SPECC1: variants seen among roughly 807,000 people sequenced by gnomAD.
SPECC1 encodes the protein cytospin-B.
Under a neutral mutation model 104.1 loss-of-function variants are expected in SPECC1, and 62 were observed. The observed-to-expected ratio is 0.60, with a 90% CI of 0.49 to 0.74. The LOEUF (loss-of-function observed/expected upper bound fraction) is 0.74. SPECC1 is among the 30% of genes least tolerant of loss of function. The pLI, the probability that SPECC1 is intolerant of heterozygous loss-of-function variation, is 0.00. For missense variants in SPECC1, 1,306 were observed against 1,310.5 expected (o/e 1.00, Z 0.05); for synonymous variants, 513 against 501.6 (o/e 1.02, Z -0.30).
chr17:20,229,001 A>G (rs993249624), intron 5 of SPECC1, among the ~76,000 whole-genome samples: 2 of 152,098 alleles, frequency 1.3e-5, no homozygotes, highest in African/African-American at 4.8e-5. Flanking sequence ...TGCTTGATAA[A>G]ACGTATTTTA....
intron 3 of SPECC1, among the ~76,000 whole-genome samples, chr17:20,201,669 T>G (rs1403873171): frequency 6.6e-6 from 1 of 152,208 alleles, no homozygotes; most frequent in African/African-American, 2.4e-5. Flanking sequence ...TCTAGAGAAC[T>G]AGCATTACTA....
chr17:20,076,223 A>G (rs2046754442), intron 1 of SPECC1, among the ~76,000 whole-genome samples: 1 of 152,252 alleles, frequency 6.6e-6, no homozygotes, highest in Non-Finnish European at 1.5e-5. Context: ...CTTTTGAGAC[A>G]GAGTCTCACT....
intron 3 of SPECC1, chr17:20,112,592 G>T: frequency 1.2e-6 from 1 of 850,528 alleles, no homozygotes; most frequent in Non-Finnish European, 2.1e-6. Flanking sequence ...TCTTTGCTGT[G>T]CAAATCTTAA....
At chr17:20,197,831 C>A (rs114804608) in intron 3 of SPECC1, among the ~76,000 whole-genome samples, 3 of 152,130 alleles carry the variant, frequency 2.0e-5, no homozygotes, top group African/African-American at 7.2e-5. Flanking sequence ...CCCCTTGACA[C>A]GGAAAAAGAA....
intron 3 of SPECC1, among the ~76,000 whole-genome samples, chr17:20,141,131 G>A (rs746419150): frequency 1.3e-5 from 2 of 152,160 alleles, no homozygotes; most frequent in African/African-American, 4.8e-5. Context: ...GAAAGGACCC[G>A]CTCATAGTAG....
intron 1 of SPECC1, among the ~76,000 whole-genome samples, chr17:20,047,006 A>G (rs2045565368): frequency 1.3e-5 from 2 of 152,180 alleles, no homozygotes; most frequent in Non-Finnish European, 2.9e-5. Context: ...TGACTATTGC[A>G]GGAAAGCCGG....
intron 1 of SPECC1, among the ~76,000 whole-genome samples, chr17:20,032,247 G>C (rs1597589645): frequency 6.6e-6 from 1 of 152,032 alleles, no homozygotes; most frequent in East Asian, 1.9e-4. Context: ...TCTGTTTGTG[G>C]TTCTTTTTGT....
intron 3 of SPECC1, among the ~76,000 whole-genome samples, chr17:20,199,370 A>G (rs1418067354): frequency 2.3e-5 from 3 of 129,492 alleles, no homozygotes; most frequent in Admixed American, 1.8e-4. Context: ...TACAGGCGTG[A>G]GCCACCGTGC....
At position 20,276,285 on chromosome 17, in the gene SPECC1, T is replaced by A. The variant is rs182358736; in HGVS notation, c.2940+15991T>A. On this transcript the variant is annotated intron_variant, in intron 12 of 14. Coordinates refer to ENST00000395527, the MANE Select transcript of SPECC1 (RefSeq NM_001243439.2). ...GTACATGACACCACACCTGGCTAAT[T>A]CTTTAAAAAATTTTTTTAGAGACAG... Among the ~76,000 whole-genome samples, 84 of 152,150 alleles carry A rather than the reference T, an allele frequency of 5.5e-4. 1 individual carries two copies. The East Asian group carries it at 0.015, about 27-fold the overall frequency.
intron 12 of SPECC1, among the ~76,000 whole-genome samples, chr17:20,286,918 C>G (rs1011878838): frequency 6.6e-6 from 1 of 152,230 alleles, no homozygotes; most frequent in African/African-American, 2.4e-5. Flanking sequence ...AACTGGCCCC[C>G]AGGGCCCAGG....
intron 1 of SPECC1, among the ~76,000 whole-genome samples, chr17:20,034,654 G>A (rs1035366052): frequency 2.1e-5 from 3 of 146,318 alleles, no homozygotes; most frequent in African/African-American, 7.6e-5. Context: ...TGCCCAGGCT[G>A]GAGTGCAATG....
At chr17:20,167,802 A>C (rs911253479) in intron 3 of SPECC1, among the ~76,000 whole-genome samples, 2 of 152,238 alleles carry the variant, frequency 1.3e-5, no homozygotes, top group African/African-American at 4.8e-5. Flanking sequence ...ATGTTTCCCA[A>C]AGATATTGGA....
intron 2 of SPECC1, among the ~76,000 whole-genome samples, chr17:20,101,726 G>A (rs1240146012): frequency 6.6e-6 from 1 of 152,216 alleles, no homozygotes; most frequent in Non-Finnish European, 1.5e-5. Flanking sequence ...GAAAAGGAAT[G>A]TACTGAGCAG....
At chr17:20,290,344 CT>C (rs774007951) in intron 12 of SPECC1, 435 of 140,220 alleles carry the variant, frequency 3.1e-3, no homozygotes, top group Admixed American at 3.3e-3. Flanking sequence ...AAAAAAATAA[CT>C]TTTTTTTTTT....
At chr17:20,297,375 T>G (rs951940612) in intron 13 of SPECC1, among the ~76,000 whole-genome samples, 10 of 152,192 alleles carry the variant, frequency 6.6e-5, no homozygotes, top group African/African-American at 2.2e-4. Context: ...TTCAAATAAG[T>G]CTTGGACACT....
chr17:20,161,213 A>G (rs2033116378), intron 3 of SPECC1, among the ~76,000 whole-genome samples: 1 of 152,212 alleles, frequency 6.6e-6, no homozygotes. Flanking sequence ...TGTCTCAAAA[A>G]AGAAAAAACT....
intron 3 of SPECC1, among the ~76,000 whole-genome samples, chr17:20,142,003 G>T (rs1411883962): frequency 1.3e-5 from 2 of 152,098 alleles, no homozygotes; most frequent in Non-Finnish European, 2.9e-5. Context: ...CCCTCTTTCA[G>T]AATATGGAAA....
At chr17:20,158,946 G>A (rs983218727) in intron 3 of SPECC1, among the ~76,000 whole-genome samples, 1 of 150,788 alleles carries the variant, frequency 6.6e-6, no homozygotes, top group Non-Finnish European at 1.5e-5. Context: ...GTAGAGATGG[G>A]ATTTTGTTTT....
chr17:20,046,743 G>C (rs1177628637), intron 1 of SPECC1, among the ~76,000 whole-genome samples: 1 of 152,102 alleles, frequency 6.6e-6, no homozygotes, highest in Non-Finnish European at 1.5e-5. Flanking sequence ...ACTCACTGCA[G>C]GTGGAGGAGG....
Sources: gnomAD v4.1 joint callset for allele counts (sites outside exome capture counted in the v4.1 genomes callset) on GRCh38, gnomAD v4.1.1 for gene constraint, MANE v1.5 for transcripts, NCBI Gene and HGNC (gene_info 2026-07-23, HGNC 2026-07-21) for gene names.